Variants in TANC2 observed in about 807,000 individuals in gnomAD.
TANC2 encodes the protein tetratricopeptide repeat, ankyrin repeat and coiled-coil containing 2, also known as protein TANC2.
A neutral mutation model predicts 210.5 loss-of-function variants in TANC2; 26 were observed. The observed-to-expected ratio is 0.12, with a 90% CI of 0.09 to 0.17. TANC2 has a LOEUF of 0.17. TANC2 is among the 10% of genes least tolerant of loss of function. The pLI is 1.00. For synonymous variants in TANC2, 931 were observed against 967.1 expected, an observed-to-expected ratio of 0.96 and a Z score of 0.69; for missense variants, 2,129 against 2,608.9, an observed-to-expected ratio of 0.82 and a Z score of 4.01.
intron 1 of TANC2, among the ~76,000 whole-genome samples, chr17:63,003,764 G>A (rs1422929756): frequency 6.6e-6 from 1 of 152,058 alleles, no homozygotes; most frequent in Non-Finnish European, 1.5e-5. Flanking sequence ...TTTCTTTAAT[G>A]TTATCTTAGC....
At chr17:63,262,626 C>A (rs1183425485) in intron 8 of TANC2, among the ~76,000 whole-genome samples, 1 of 140,926 alleles carries the variant, frequency 7.1e-6, no homozygotes, top group African/African-American at 2.7e-5. Flanking sequence ...CCCTAGTAGT[C>A]CTCTTTTTTT....
At chr17:62,983,928 C>T (rs985260124) in intron 1 of TANC2, among the ~76,000 whole-genome samples, 2 of 151,864 alleles carry the variant, frequency 1.3e-5, no homozygotes, top group Non-Finnish European at 2.9e-5. Context: ...TTGTAGTCTC[C>T]TTTTTTTGTT....
intron 9 of TANC2, among the ~76,000 whole-genome samples, chr17:63,272,096 C>A (rs1014220668): frequency 6.6e-6 from 1 of 152,100 alleles, no homozygotes; most frequent in Non-Finnish European, 1.5e-5. Context: ...TGGGGTTTTA[C>A]ATTTAAGTCT....
intron 2 of TANC2, among the ~76,000 whole-genome samples, chr17:63,066,029 T>C (rs907246437): frequency 1.3e-5 from 2 of 152,046 alleles, no homozygotes; most frequent in Non-Finnish European, 2.9e-5. Context: ...CTCCTGCTTG[T>C]TGTCTGTGAG....
intron 4 of TANC2, among the ~76,000 whole-genome samples, chr17:63,143,380 G>A (rs2039354070): frequency 6.6e-6 from 1 of 152,028 alleles, no homozygotes; most frequent in Non-Finnish European, 1.5e-5. Flanking sequence ...TTTATGAAAT[G>A]TTTAAAGAAG....
intron 9 of TANC2, among the ~76,000 whole-genome samples, chr17:63,276,006 G>A (rs1158763487): frequency 2.0e-5 from 3 of 152,060 alleles, no homozygotes; most frequent in African/African-American, 7.2e-5. Flanking sequence ...TTCCTCAAAA[G>A]TGACTAGGTC....
At chr17:63,346,655 A>T (rs568934598) in intron 12 of TANC2, among the ~76,000 whole-genome samples, 14 of 152,332 alleles carry the variant, frequency 9.2e-5, no homozygotes, top group Non-Finnish European at 1.5e-4. Context: ...GAACTCTAAT[A>T]CATTGCTGGT....
At chr17:63,128,205 T>C (rs1265416324) in intron 4 of TANC2, among the ~76,000 whole-genome samples, 1 of 152,176 alleles carries the variant, frequency 6.6e-6, no homozygotes, top group African/African-American at 2.4e-5. Context: ...GACTACTCAA[T>C]AATAATTGTA....
intron 9 of TANC2, among the ~76,000 whole-genome samples, chr17:63,295,999 C>T (rs750975366): frequency 1.8e-4 from 27 of 152,246 alleles, no homozygotes; most frequent in Admixed American, 1.0e-3. Flanking sequence ...TAAGACTACT[C>T]AGCTAGAGCT....
intron 2 of TANC2, among the ~76,000 whole-genome samples, chr17:63,020,414 C>T (rs1448327008): frequency 3.9e-5 from 6 of 152,158 alleles, no homozygotes; most frequent in African/African-American, 1.4e-4. Flanking sequence ...AGAAATCCTC[C>T]TGCCTCAGCC....
At chr17:63,322,297 G>A (rs1051200438) in intron 11 of TANC2, among the ~76,000 whole-genome samples, 12 of 152,170 alleles carry the variant, frequency 7.9e-5, no homozygotes, top group Non-Finnish European at 1.6e-4. Context: ...AGGAGATCGA[G>A]ACCATCCTGG....
chr17:63,077,923 T>G (rs939846604), intron 3 of TANC2, among the ~76,000 whole-genome samples: 2 of 152,150 alleles, frequency 1.3e-5, no homozygotes, highest in African/African-American at 4.8e-5. Context: ...GAATTTAAAT[T>G]ATTTTTGCAT....
At chr17:63,251,979 C>T (rs2043065004) in intron 8 of TANC2, among the ~76,000 whole-genome samples, 1 of 152,122 alleles carries the variant, frequency 6.6e-6, no homozygotes, top group Non-Finnish European at 1.5e-5. Context: ...CTTGTTAAAA[C>T]CACACTAAAC....
chr17:63,173,854 G>C (rs1230990731), intron 5 of TANC2, among the ~76,000 whole-genome samples: 2 of 152,156 alleles, frequency 1.3e-5, no homozygotes, highest in Non-Finnish European at 2.9e-5. Context: ...AAAAAATTAA[G>C]TGATGTAACT....
chr17:63,310,427 G>A (rs894563352), intron 9 of TANC2, among the ~76,000 whole-genome samples: 6 of 152,030 alleles, frequency 3.9e-5, no homozygotes, highest in African/African-American at 1.4e-4. Context: ...AGCCAGGGGC[G>A]ACAAAGCAGG....
chr17:63,294,338 A>T (rs1403440024), intron 9 of TANC2, among the ~76,000 whole-genome samples: 1 of 152,120 alleles, frequency 6.6e-6, no homozygotes, highest in East Asian at 1.9e-4. Flanking sequence ...TTAGCCCGGC[A>T]TGGTGGCATG....
intron 12 of TANC2, 61 bp downstream of exon 12, chr17:63,340,393 C>A: frequency 1.4e-6 from 2 of 1,381,760 alleles, no homozygotes; most frequent in South Asian, 2.5e-5. Flanking sequence ...TCACCCGGGT[C>A]ATACTATAAA....
chr17:63,012,884 G>C (rs577016428), intron 2 of TANC2, among the ~76,000 whole-genome samples: 47 of 152,096 alleles, frequency 3.1e-4, no homozygotes, highest in African/African-American at 1.1e-3. Flanking sequence ...TGAACTCCTA[G>C]CCTCAAGTGA....
chr17:63,314,900 TTA>T, intron 10 of TANC2, among the ~76,000 whole-genome samples: 1 of 152,286 alleles, frequency 6.6e-6, no homozygotes, highest in Non-Finnish European at 1.5e-5. Context: ...TGGAATAAGT[TTA>T]TGACTCCTCC....
Sources: allele counts gnomAD v4.1 joint callset (sites outside exome capture counted in the v4.1 genomes callset), GRCh38; gene constraint gnomAD v4.1.1; transcripts MANE v1.5; gene names NCBI Gene and HGNC (gene_info 2026-07-23, HGNC 2026-07-21).